Variants in ULK4 observed in about 807,000 individuals in gnomAD.
ULK4 encodes unc-51 like kinase 4.
A neutral mutation model predicts 160.6 loss-of-function variants in ULK4; 133 were observed. The observed-to-expected ratio is 0.83, with a 90% CI of 0.72 to 0.96. The LOEUF (loss-of-function observed/expected upper bound fraction) is 0.96, where lower values mean the gene tolerates loss of function less well. Among genes scored for constraint, ULK4 ranks in the 40% least tolerant of loss-of-function variants. The pLI is 0.00. For synonymous variants in ULK4, 534 were observed against 539.8 expected, an observed-to-expected ratio of 0.99 and a Z score of 0.15; for missense variants, 1,580 against 1,499.5, an observed-to-expected ratio of 1.05 and a Z score of -0.89.
intron 31 of ULK4, among the ~76,000 whole-genome samples, chr3:41,570,708 T>C (rs2087942033): frequency 6.6e-6 from 1 of 152,186 alleles, no homozygotes; most frequent in Non-Finnish European, 1.5e-5. Context: ...TACTCCAGCT[T>C]TTCCTGTACT....
At chr3:41,642,006 G>C (rs2034225916) in intron 30 of ULK4, among the ~76,000 whole-genome samples, 1 of 151,574 alleles carries the variant, frequency 6.6e-6, no homozygotes, top group South Asian at 2.1e-4. Flanking sequence ...CTCCCAAGTA[G>C]CTGGAATTAC....
rs201380727 is a variant in ULK4, at chr3:41,363,928, C to CTTTT, written c.3678+34150_3678+34151insAAAA. Among the ~76,000 whole-genome samples the CTTTT allele has an allele frequency of 4.4e-5, 6 of 135,298 alleles. No homozygotes were observed. The East Asian group carries it at 7.9e-4, about 18-fold the overall frequency. The allele number at this position is 135,298 out of a possible 152,430, so 88.8% of individuals were successfully genotyped here. On this transcript the variant is annotated intron_variant, in intron 35 of 36. Transcript: ENST00000301831. ...GATTTGAACCCTCCATCCAAATTCT[C>CTTTT]TCTCTTTTTTTTTTTCTGTAGATAC... is the stretch of plus-strand genomic sequence containing the variant.
chr3:41,536,957 C>A (rs2086522891), intron 32 of ULK4, among the ~76,000 whole-genome samples: 2 of 152,114 alleles, frequency 1.3e-5, no homozygotes, highest in South Asian at 4.1e-4. Context: ...AAAATAAATC[C>A]ATGTTGTAAA....
chr3:41,628,420 C>T (rs2033613666), intron 30 of ULK4, among the ~76,000 whole-genome samples: 1 of 152,134 alleles, frequency 6.6e-6, no homozygotes, highest in African/African-American at 2.4e-5. Flanking sequence ...GTATACACTC[C>T]AATATGATGC....
chr3:41,545,182 C>CA (rs35110546), intron 32 of ULK4, among the ~76,000 whole-genome samples: 68,058 of 151,626 alleles, frequency 0.45, 15,924 homozygotes, highest in Middle Eastern at 0.54. Flanking sequence ...TACAGAGTAA[C>CA]AAAAAAAAGG....
chr3:41,369,868 G>A (rs1283578900), intron 35 of ULK4, among the ~76,000 whole-genome samples: 1 of 150,902 alleles, frequency 6.6e-6, no homozygotes, highest in Non-Finnish European at 1.5e-5. Flanking sequence ...ACAATACTTT[G>A]TGTACTGAAT....
intron 20 of ULK4, among the ~76,000 whole-genome samples, chr3:41,794,518 G>T (rs1419089641): frequency 6.6e-6 from 1 of 151,504 alleles, no homozygotes; most frequent in Non-Finnish European, 1.5e-5. Flanking sequence ...AGAAAAATTG[G>T]CCGGGCATGG....
intron 22 of ULK4, among the ~76,000 whole-genome samples, chr3:41,746,018 T>A (rs2038406538): frequency 6.6e-6 from 1 of 150,570 alleles, no homozygotes; most frequent in South Asian, 2.1e-4. Flanking sequence ...CCTCCACTGA[T>A]AAAGAATATC....
chr3:41,781,745 C>T (rs1415472985), intron 21 of ULK4, among the ~76,000 whole-genome samples: 5 of 152,240 alleles, frequency 3.3e-5, no homozygotes, highest in East Asian at 3.9e-4. Context: ...TCGAGACCAG[C>T]CTGGCCAACA....
chr3:41,644,643 T>G (rs1485488829), intron 30 of ULK4, among the ~76,000 whole-genome samples: 3 of 151,900 alleles, frequency 2.0e-5, no homozygotes, highest in Non-Finnish European at 4.4e-5. Flanking sequence ...GGGATATTGG[T>G]CTAAAATTCT....
At chr3:41,772,565 G>T (rs1255006379) in intron 21 of ULK4, among the ~76,000 whole-genome samples, 20 of 152,156 alleles carry the variant, frequency 1.3e-4, no homozygotes, top group Admixed American at 1.3e-4. Context: ...ATCTGAAATT[G>T]CGGCAATAAT....
rs563929671 is a variant in ULK4, at chr3:41,361,123, C to T, written c.3678+36956G>A. 3.3e-5 allele frequency among the ~76,000 whole-genome samples: 5 copies of T among 152,132 alleles called. No homozygotes were observed. In the East Asian group the frequency reaches 7.7e-4, roughly 24 times the overall value. On this transcript the variant is annotated intron_variant, in intron 35 of 36. Coordinates refer to ENST00000301831, the MANE Select transcript of ULK4 (RefSeq NM_017886.4). Reference sequence around the variant, plus strand: ...GGTGCAGAAGCTGAGGGCTCAGCCTCAGGGAGGAGTTGGCCCCTCCAGTAA... The same window carrying T: ...GGTGCAGAAGCTGAGGGCTCAGCCTTAGGGAGGAGTTGGCCCCTCCAGTAA...
chr3:41,368,231 A>G (rs756405405), intron 35 of ULK4, among the ~76,000 whole-genome samples: 6 of 151,818 alleles, frequency 4.0e-5, no homozygotes, highest in Non-Finnish European at 8.8e-5. Flanking sequence ...TGTTTTTTTC[A>G]GTAGAGATGG....
chr3:41,666,573 T>C (rs1332443235), intron 29 of ULK4, among the ~76,000 whole-genome samples: 2 of 152,184 alleles, frequency 1.3e-5, no homozygotes, highest in East Asian at 1.9e-4. Context: ...ATTGAAGTGA[T>C]GGTGAGAAAC....
chr3:41,683,803 C>G lies in ULK4; in HGVS notation c.2782-1999G>C, dbSNP rs529218909. Among the ~76,000 whole-genome samples the G allele has an allele frequency of 2.0e-5, 3 of 152,132 alleles. No homozygotes were observed. In the East Asian group the frequency reaches 5.8e-4, roughly 30 times the overall value. ...CAGTTCAGCTGGTAGGAAACTCTGT[C>G]TGGCACTGGAATCTGTAATATTCTT... On this transcript the variant is annotated intron_variant, in intron 27 of 36. Coordinates refer to ENST00000301831, the MANE Select transcript of ULK4 (RefSeq NM_017886.4).
intron 21 of ULK4, among the ~76,000 whole-genome samples, chr3:41,772,364 G>A (rs1448272424): frequency 6.6e-6 from 1 of 151,980 alleles, no homozygotes; most frequent in East Asian, 1.9e-4. Flanking sequence ...TCAAATAGAT[G>A]CAATAAAAAA....
intron 22 of ULK4, among the ~76,000 whole-genome samples, chr3:41,729,177 T>C (rs1034874395): frequency 2.6e-5 from 4 of 152,184 alleles, no homozygotes; most frequent in Non-Finnish European, 5.9e-5. Context: ...ATCCAAATAC[T>C]CTGCTCTCTG....
chr3:41,501,244 T>C lies in ULK4; in HGVS notation c.3227-37991A>G, dbSNP rs899978406. On this transcript the variant is annotated intron_variant, in intron 32 of 36. Coordinates refer to ENST00000301831, the MANE Select transcript of ULK4 (RefSeq NM_017886.4). The stretch of plus-strand genomic sequence containing the variant: ...CGCGGTGGCTCATGCCTGTAATCAA[T>C]CCCAGCACTTTGGGAGGCCGAGACG... Among the ~76,000 whole-genome samples the C allele has an allele frequency of 2.6e-5, 4 of 152,140 alleles. No individual in the cohort carries two copies. The East Asian group carries it at 5.8e-4, about 22-fold the overall frequency.
At chr3:41,889,409 T>C (rs1273392423) in intron 16 of ULK4, among the ~76,000 whole-genome samples, 5 of 152,098 alleles carry the variant, frequency 3.3e-5, no homozygotes, top group Admixed American at 2.6e-4. Context: ...CTGGAAATCC[T>C]AAATAATAAA....
Sources: gnomAD v4.1 joint callset for allele counts (sites outside exome capture counted in the v4.1 genomes callset) on GRCh38, gnomAD v4.1.1 for gene constraint, MANE v1.5 for transcripts, NCBI Gene and HGNC (gene_info 2026-07-23, HGNC 2026-07-21) for gene names.